Variants in PDXDC1 observed in about 807,000 individuals in gnomAD.
PDXDC1 encodes the protein pyridoxal dependent decarboxylase domain containing 1, also known as pyridoxal-dependent decarboxylase domain-containing protein 1.
A neutral mutation model predicts 100.1 loss-of-function variants in PDXDC1; 42 were observed. The ratio of observed to expected loss-of-function variants is 0.42; its 90% CI spans 0.33 to 0.54. The LOEUF is 0.54. Among genes scored for constraint, PDXDC1 ranks in the 20% least tolerant of loss-of-function variants. The pLI, the probability that PDXDC1 is intolerant of heterozygous loss-of-function variation, is 0.10. For synonymous variants in PDXDC1, 260 were observed against 371.7 expected (o/e 0.70, Z 3.46); for missense variants, 636 against 979.2 (o/e 0.65, Z 4.68).
intron 16 of PDXDC1, among the ~76,000 whole-genome samples, chr16:15,095,992 C>T (rs2046343627): frequency 1.3e-5 from 2 of 151,870 alleles, no homozygotes; most frequent in African/African-American, 4.8e-5. Flanking sequence ...GACGGAGGAT[C>T]ACTTGAGCCC....
chr16:15,061,604 G>C, intron 16 of PDXDC1: 1 of 664,874 alleles, frequency 1.5e-6, no homozygotes, highest in South Asian at 2.7e-5. Context: ...TGATTCAGTC[G>C]AACCTGGAAG....
rs545788509 is a variant in PDXDC1, at chr16:15,132,797, G to C, written c.1400-6082G>C. On this transcript the variant is annotated intron_variant, in intron 16 of 16. Coordinates refer to the PDXDC1 transcript ENST00000535621. ...GACCCTCAGGGACACCAGAGTCTCC[G>C]TGATGTTCTTGCGTATCTGGGCTCG... 6.3e-6 allele frequency: 8 copies of C among 1,269,144 alleles called. No homozygotes were observed. The South Asian group carries it at 8.3e-5, about 13-fold the overall frequency. The allele number at this position is 1,269,144 out of a possible 1,614,324, so 78.6% of individuals were successfully genotyped here.
chr16:15,044,285 G>T, intron 16 of PDXDC1: 3 of 1,264,786 alleles, frequency 2.4e-6, no homozygotes, highest in East Asian at 2.3e-5. Flanking sequence ...GCAAATATGG[G>T]TACATATTTA....
At chr16:15,041,774 C>T (rs1597763096), downstream of PDXDC1, 2 of 860,700 alleles carry the variant, frequency 2.3e-6, no homozygotes, top group East Asian at 5.0e-5. Flanking sequence ...CGGCAGCCAA[C>T]TGAGTGTGCT....
chr16:15,005,693 G>A (rs1682460451), intron 5 of PDXDC1, among the ~76,000 whole-genome samples: 1 of 152,272 alleles, frequency 6.6e-6, no homozygotes, highest in African/African-American at 2.4e-5. Flanking sequence ...CCAAAAGCTA[G>A]CCTGACTAGC....
At chr16:15,041,793 C>T, downstream of PDXDC1, 1 of 755,900 alleles carries the variant, frequency 1.3e-6, no homozygotes, top group South Asian at 1.4e-5. Flanking sequence ...CTCCGCCCTA[C>T]AGCCCGCGCC....
chr16:15,047,579 T>G, intron 16 of PDXDC1: 3 of 1,506,080 alleles, frequency 2.0e-6, no homozygotes, highest in Non-Finnish European at 2.8e-6. Context: ...AGGACTCAAG[T>G]TATTCCCTGA....
At chr16:14,986,716 A>C (rs867105538) in intron 1 of PDXDC1, among the ~76,000 whole-genome samples, 1 of 152,262 alleles carries the variant, frequency 6.6e-6, no homozygotes, top group Non-Finnish European at 1.5e-5. Flanking sequence ...AGATATACCC[A>C]CTCTGTAAAT....
intron 1 of PDXDC1, among the ~76,000 whole-genome samples, chr16:14,984,434 T>TGA (rs144320095): frequency 3.1e-4 from 32 of 104,584 alleles, no homozygotes; most frequent in African/African-American, 1.1e-3. Context: ...CACATAAAAG[T>TGA]GAGAGAGAGA....
At chr16:15,021,265 T>C (rs1302702236) in intron 12 of PDXDC1, among the ~76,000 whole-genome samples, 1 of 152,196 alleles carries the variant, frequency 6.6e-6, no homozygotes, top group Non-Finnish European at 1.5e-5. Flanking sequence ...TGATCCCAGC[T>C]ACTCAGGAGG....
At chr16:15,150,088 T>C in the PDXDC1 span, among the ~76,000 whole-genome samples, 2 of 152,004 alleles carry the variant, frequency 1.3e-5, no homozygotes, top group Admixed American at 1.3e-4. Context: ...CTCAAGCCTG[T>C]AATCCCAGCA....
intron 16 of PDXDC1, among the ~76,000 whole-genome samples, chr16:15,056,517 T>C (rs1303059854): frequency 6.6e-6 from 1 of 152,226 alleles, no homozygotes; most frequent in Non-Finnish European, 1.5e-5. Context: ...GGCTCACGCC[T>C]GTAATCCCAG....
intron 16 of PDXDC1, chr16:15,074,910 G>T (rs1211268149): frequency 1.3e-6 from 2 of 1,542,158 alleles, no homozygotes; most frequent in South Asian, 2.4e-5. Context: ...CAATGTCAAA[G>T]TGGTTTAGTA....
At chr16:15,027,746 C>G (rs2042724421) in intron 14 of PDXDC1, among the ~76,000 whole-genome samples, 1 of 152,404 alleles carries the variant, frequency 6.6e-6, no homozygotes, top group African/African-American at 2.4e-5. Flanking sequence ...CCGCTTGTGT[C>G]TTTTTCCACC....
intron 16 of PDXDC1, chr16:15,060,582 AG>A (rs1306769871): frequency 6.5e-6 from 1 of 153,322 alleles, no homozygotes; most frequent in Non-Finnish European, 1.5e-5. Context: ...TACACATGTA[AG>A]AAACAAAGTG....
chr16:15,133,709 G>T lies in PDXDC1; in HGVS notation c.1400-5170G>T, dbSNP rs539543910. 1.6e-5 allele frequency: 26 copies of T among 1,604,190 alleles called. No homozygotes were observed. The South Asian group carries it at 2.9e-4, about 18-fold the overall frequency. Reference sequence around the variant, plus strand: ...ATCCTCCGCGTCATGCCAGCCTGAGGGACGGTCCCCATGGCATCACGGGAG... The same window carrying T: ...ATCCTCCGCGTCATGCCAGCCTGAGTGACGGTCCCCATGGCATCACGGGAG... On this transcript the variant is annotated intron_variant, in intron 16 of 16. Coordinates refer to the PDXDC1 transcript ENST00000535621.
At chr16:15,106,596 A>C (rs1170622485) in intron 16 of PDXDC1, among the ~76,000 whole-genome samples, 2 of 149,922 alleles carry the variant, frequency 1.3e-5, no homozygotes, top group South Asian at 2.2e-4. Flanking sequence ...TCTACTAAAA[A>C]TACAAAAAAT....
chr16:15,071,692 C>T (rs570295052), intron 16 of PDXDC1, among the ~76,000 whole-genome samples: 13 of 152,260 alleles, frequency 8.5e-5, no homozygotes, highest in East Asian at 1.9e-4. Context: ...CGCTTGAACC[C>T]AGGAGGCAGA....
Position 15,031,789 on chromosome 16 carries a change from A to C in PDXDC1, c.1454A>C (p.Lys485Thr), listed in dbSNP as rs376209986. 1 of 1,613,792 alleles carries C rather than the reference A, an allele frequency of 6.2e-7. No individual in the cohort carries two copies. The highest frequency in any genetic ancestry group is 1.7e-5 in the Admixed American group (1 of 59,988). The change falls in exon 17 of 23, where the codon AAA becomes ACA. Residue 485 changes from lysine (K) to threonine (T), a missense_variant. Lys to Thr is a moderately conservative substitution (Grantham distance 78). This residue lies in a region of PDXDC1 where 452 missense variants were observed against 402.9 expected (regional missense o/e 1.12). Coordinates refer to ENST00000396410, the MANE Select transcript of PDXDC1 (RefSeq NM_015027.4). Reference sequence around the variant, plus strand: ...CAGCTCGTAGCCTGCATAGAAAGCAAACTGCCAGTGCTGTGCTGTACGCTC... The same window carrying C: ...CAGCTCGTAGCCTGCATAGAAAGCACACTGCCAGTGCTGTGCTGTACGCTC... ...VDQLVACIES[K>T]LPVLCCTLQL...
Sources: allele counts gnomAD v4.1 joint callset (sites outside exome capture counted in the v4.1 genomes callset), GRCh38; gene constraint gnomAD v4.1.1; regional missense constraint gnomAD v4.1.1; transcripts MANE v1.5; gene names NCBI Gene and HGNC (gene_info 2026-07-23, HGNC 2026-07-21).